GALNS: variants seen among roughly 807,000 people sequenced by gnomAD.
GALNS encodes N-acetylgalactosamine-6-sulfatase.
Under a neutral mutation model 65.9 loss-of-function variants are expected in GALNS, and 65 were observed. The ratio of observed to expected loss-of-function variants is 0.99; its 90% CI spans 0.81 to 1.21. The LOEUF (loss-of-function observed/expected upper bound fraction) is 1.21. GALNS is among the 50% of genes most tolerant of loss of function. GALNS has a pLI of 0.00. For synonymous variants in GALNS, 346 were observed against 288.9 expected, an observed-to-expected ratio of 1.20 and a Z score of -2.00; for missense variants, 776 against 700.7, an observed-to-expected ratio of 1.11 and a Z score of -1.21.
intron 12 of GALNS, among the ~76,000 whole-genome samples, chr16:88,820,540 G>A (rs902691787): frequency 3.3e-5 from 5 of 152,238 alleles, no homozygotes; most frequent in Admixed American, 3.3e-4. Context: ...CAGGGACAGT[G>A]GTTCTCAAAG....
intron 11 of GALNS, among the ~76,000 whole-genome samples, chr16:88,823,276 A>G (rs1249996166): frequency 1.3e-5 from 2 of 152,244 alleles, no homozygotes; most frequent in African/African-American, 2.4e-5. Flanking sequence ...AGGCAAGAGA[A>G]AACACAGAAA....
intron 1 of GALNS, among the ~76,000 whole-genome samples, chr16:88,852,200 T>C (rs1309152167): frequency 6.6e-6 from 1 of 152,228 alleles, no homozygotes; most frequent in Non-Finnish European, 1.5e-5. Flanking sequence ...TCTGCAATAG[T>C]TGCTGTTCTG....
chr16:88,855,394 T>C (rs1403103304), intron 1 of GALNS: 1 of 702,514 alleles, frequency 1.4e-6, no homozygotes, highest in Non-Finnish European at 2.6e-6. Flanking sequence ...ACTTCAAAAG[T>C]GAAAGGATGA....
At chr16:88,854,304 G>A (rs545669770) in intron 1 of GALNS, among the ~76,000 whole-genome samples, 12 of 152,358 alleles carry the variant, frequency 7.9e-5, no homozygotes, top group Admixed American at 2.6e-4. Flanking sequence ...GGACAGGGCT[G>A]CGGAGGAAGC....
At position 88,856,946 on chromosome 16, in the gene GALNS, C is replaced by G. The variant is rs973158848; in HGVS notation, c.-69G>C. The G allele has an allele frequency of 1.4e-6, 2 of 1,452,482 alleles. No individual in the cohort carries two copies. Among genetic ancestry groups the G allele is most frequent in the Non-Finnish European group, 1.8e-6 (2 of 1,112,020 alleles). 90.0% of individuals were successfully genotyped at this position (1,452,482 alleles called of 1,614,324 possible). ...AGCGAGCGTCCGCCGGCCCTTCCGG[C>G]TGGGCTGCGGGGCGGGGCCTGGACG... On this transcript the variant is annotated 5_prime_UTR_variant, in exon 1 of 14. Transcript: ENST00000268695.
chr16:88,833,447 C>T (rs1348919076), intron 8 of GALNS, among the ~76,000 whole-genome samples: 8 of 146,796 alleles, frequency 5.4e-5, no homozygotes, highest in African/African-American at 7.6e-5. Flanking sequence ...CTTCTCTCTC[C>T]CATCCCCTTT....
intron 13 of GALNS, chr16:88,815,924 C>T (rs1252321264): frequency 5.1e-6 from 5 of 985,340 alleles, no homozygotes; most frequent in Admixed American, 6.1e-5. Context: ...GGTGGCCACA[C>T]TCCCTCTCCT....
intron 12 of GALNS, among the ~76,000 whole-genome samples, chr16:88,819,165 AG>A: frequency 6.6e-6 from 1 of 152,314 alleles, no homozygotes. Context: ...TGCATGCAAC[AG>A]GGACGGGGAT....
intron 1 of GALNS, among the ~76,000 whole-genome samples, chr16:88,854,243 G>A (rs1967650495): frequency 6.6e-6 from 1 of 152,248 alleles, no homozygotes; most frequent in African/African-American, 2.4e-5. Context: ...TGCAGGTTCA[G>A]ACGCCAGCGC....
intron 12 of GALNS, among the ~76,000 whole-genome samples, chr16:88,821,854 G>T (rs1910253576): frequency 6.6e-6 from 1 of 152,200 alleles, no homozygotes; most frequent in Admixed American, 6.5e-5. Flanking sequence ...ACTCGATAGG[G>T]CAGGAATGCT....
chr16:88,817,892 G>T (rs1185703402), intron 13 of GALNS, 115 bp downstream of exon 13: 2 of 903,728 alleles, frequency 2.2e-6, no homozygotes, highest in African/African-American at 3.3e-5. Context: ...CACCACTGAC[G>T]GAGGCGGGGA....
chr16:88,842,550 T>C (rs756717251), intron 2 of GALNS, 156 bp downstream of exon 2: 10 of 900,006 alleles, frequency 1.1e-5, no homozygotes, highest in Non-Finnish European at 1.5e-5. Context: ...GGGCTGGGAT[T>C]TGATGAGAAA....
intron 1 of GALNS, among the ~76,000 whole-genome samples, chr16:88,848,593 G>A (rs1967361020): frequency 6.6e-6 from 1 of 150,930 alleles, no homozygotes; most frequent in Non-Finnish European, 1.5e-5. Flanking sequence ...AAAAGGAAGT[G>A]CGGGCATCCT....
In GALNS at chr16:88,826,764, G is replaced by A. The variant is rs1210325599; in HGVS notation, c.1077C>T (p.Ser359=). 3.1e-6 allele frequency: 5 copies of A among 1,609,960 alleles called. No individual in the cohort carries two copies. The South Asian group carries it at 3.3e-5, about 11-fold the overall frequency. ...SLALAGLTPP[S]DRAIDGLNLL... is the part of the protein sequence containing the mutation. ...GGTTGAGGCCATCAATGGCCCTGTCGCTGGGCGGCGTCAGGCCCGCAAGGG... is the reference window on the plus strand; with the variant it reads ...GGTTGAGGCCATCAATGGCCCTGTCACTGGGCGGCGTCAGGCCCGCAAGGG... The change falls in exon 10 of 14, where the codon AGC becomes AGT. Residue 359 remains serine (S), a synonymous_variant. Transcript: ENST00000268695.
chr16:88,825,500 G>A (rs1910779126), intron 10 of GALNS, among the ~76,000 whole-genome samples: 1 of 136,102 alleles, frequency 7.3e-6, no homozygotes, highest in Non-Finnish European at 1.6e-5. Context: ...GGGCTGGGGT[G>A]CCTGGATGTC....
At chr16:88,837,557 G>T in intron 5 of GALNS, 65 bp downstream of exon 5, 1 of 1,546,700 alleles carries the variant, frequency 6.5e-7, no homozygotes, top group South Asian at 1.1e-5. Context: ...TGCTAGAGGC[G>T]GGGGGCAGGC....
chr16:88,840,551 C>T (rs2143004318), intron 4 of GALNS: 3 of 309,962 alleles, frequency 9.7e-6, no homozygotes, highest in South Asian at 5.6e-5. Context: ...TGTTACTCTC[C>T]TTCCTGGTGG....
chr16:88,835,117 TGCCCACC>T, intron 8 of GALNS, 89 bp downstream of exon 8: 1 of 1,484,042 alleles, frequency 6.7e-7, no homozygotes, highest in Non-Finnish European at 9.2e-7. Flanking sequence ...CTTCATGCTC[TGCCCACC>T]ACAGACCCCG....
chr16:88,818,209 A>G, intron 12 of GALNS, 85 bp from the exon 13 acceptor site: 1 of 1,080,502 alleles, frequency 9.3e-7, no homozygotes. Context: ...GAGGCTGCAG[A>G]GCTCTAACGG....
Sources: allele counts gnomAD v4.1 joint callset (sites outside exome capture counted in the v4.1 genomes callset), GRCh38; gene constraint gnomAD v4.1.1; transcripts MANE v1.5; gene names NCBI Gene and HGNC (gene_info 2026-07-23, HGNC 2026-07-21).